GALNT15: variants seen among roughly 807,000 people sequenced by gnomAD.
GALNT15 encodes the protein polypeptide N-acetylgalactosaminyltransferase 15.
A neutral mutation model predicts 66.8 loss-of-function variants in GALNT15; 67 were observed. The observed-to-expected ratio is 1.00, with a 90% CI of 0.82 to 1.23. The LOEUF (loss-of-function observed/expected upper bound fraction) is 1.23. GALNT15 is among the 50% of genes most tolerant of loss of function. GALNT15 has a pLI of 0.00. For missense variants in GALNT15, 827 were observed against 804.3 expected (o/e 1.03, Z -0.34); for synonymous variants, 313 against 311.5 (o/e 1.00, Z -0.05).
At chr3:16,233,562 G>A (rs1008764718), downstream of GALNT15, among the ~76,000 whole-genome samples, 12 of 151,812 alleles carry the variant, frequency 7.9e-5, no homozygotes, top group African/African-American at 2.4e-4. Flanking sequence ...TGGTCATGTC[G>A]TCCCTCCCTC....
chr3:16,245,444 G>T, the GALNT15 span, among the ~76,000 whole-genome samples: 3 of 152,366 alleles, frequency 2.0e-5, no homozygotes, highest in Middle Eastern at 3.4e-3. Flanking sequence ...CGGAAACAGG[G>T]CCCAGCCATC....
At chr3:16,201,417 G>A (rs1258253131) in intron 3 of GALNT15, among the ~76,000 whole-genome samples, 2 of 152,186 alleles carry the variant, frequency 1.3e-5, no homozygotes, top group African/African-American at 2.4e-5. Context: ...TCCTGACTTC[G>A]TGATCCGCCC....
chr3:16,190,637 C>CAAA (rs34205852), intron 1 of GALNT15, among the ~76,000 whole-genome samples: 10 of 98,624 alleles, frequency 1.0e-4, no homozygotes, highest in East Asian at 3.2e-4. Context: ...GACTCCGTAT[C>CAAA]AAAAAAAAAA....
intron 2 of GALNT15, among the ~76,000 whole-genome samples, chr3:16,196,338 T>A (rs990573334): frequency 8.5e-5 from 13 of 152,154 alleles, no homozygotes; most frequent in African/African-American, 3.1e-4. Flanking sequence ...TACGCACATA[T>A]GTGTATCGGT....
Position 16,203,512 on chromosome 3 carries a change from G to C in GALNT15, c.911+2689G>C. Among the ~76,000 whole-genome samples, 1 of 126,516 alleles carries C rather than the reference G, an allele frequency of 7.9e-6. No homozygotes were observed. The allele number at this position is 126,516 out of a possible 152,430, so 83.0% of individuals were successfully genotyped here. On this transcript the variant is annotated intron_variant, in intron 3 of 9. Coordinates refer to ENST00000339732, the MANE Select transcript of GALNT15 (RefSeq NM_054110.5). The surrounding 1 kb of genome is among the most constrained non-coding windows in gnomAD (Gnocchi z 6.2). ...GGTCTTTGTCTCTCTCTGTCTCTTG[G>C]TCACTCATTCTCTCTCTCTCTCTCT...
rs753811805 is a variant in GALNT15 at position 16,212,731 on chromosome 3, A to G, written c.1360A>G (p.Lys454Glu). 2 of 1,613,706 alleles carry G rather than the reference A, an allele frequency of 1.2e-6. No individual in the cohort carries two copies. Among genetic ancestry groups the G allele is most frequent in the Admixed American group, 3.3e-5 (2 of 60,028 alleles). The change falls in exon 6 of 10, where the codon AAG becomes GAG. Residue 454 changes from lysine (K) to glutamate (E), a missense_variant. Physicochemically the swap from Lys to Glu is moderately conservative, Grantham distance 56. Coordinates refer to ENST00000339732, the MANE Select transcript of GALNT15 (RefSeq NM_054110.5). ...GGGGTCATTCAAAGAAACCTTCTAC[A>G]AGCATAGCCCAGAGGCCTTCTCCTT... Reference protein sequence around the residue: ...WLGSFKETFYKHSPEAFSLSK... With the variant: ...WLGSFKETFYEHSPEAFSLSK...
chr3:16,225,605 G>T lies in GALNT15; in HGVS notation c.1774-1749G>T, dbSNP rs1238444080. ...AGCTACTCAGGAGGTTGAGGCAGGA[G>T]AATCGCTTGAACCCAGGAGGCAGAG... On this transcript the variant is annotated intron_variant, in intron 9 of 9. Transcript: ENST00000339732. The surrounding 1 kb of genome is among the most constrained non-coding windows in gnomAD (Gnocchi z 4.4). Among the ~76,000 whole-genome samples the T allele has an allele frequency of 6.6e-6, 1 of 152,172 alleles. No individual in the cohort carries two copies. Among genetic ancestry groups the T allele is most frequent in the Non-Finnish European group, 1.5e-5 (1 of 68,034 alleles).
At position 16,208,520 on chromosome 3, in the gene GALNT15, C is replaced by T. The variant is rs377237497; in HGVS notation, c.929C>T (p.Pro310Leu). The T allele has an allele frequency of 5.7e-5, 92 of 1,613,842 alleles. No homozygotes were observed. Among genetic ancestry groups the T allele is most frequent in the Non-Finnish European group, 6.9e-5 (81 of 1,179,944 alleles). Residue 310 changes from proline to leucine, a missense_variant, in exon 4 of 10, where the codon CCG becomes CTG. Pro to Leu is a moderately conservative substitution (Grantham distance 98). Coordinates refer to ENST00000339732, the MANE Select transcript of GALNT15 (RefSeq NM_054110.5). ...CTTTCCAGGAGCCGAGTGGTATCTC[C>T]GGTGATAGATGTGATTGACTGGAAG... ...IAGDRSRVVS[P>L]VIDVIDWKTF...
At chr3:16,226,743 G>A (rs2064024291) in intron 9 of GALNT15, among the ~76,000 whole-genome samples, 2 of 152,224 alleles carry the variant, frequency 1.3e-5, no homozygotes, top group South Asian at 4.1e-4. Context: ...ATTAATAAAT[G>A]AATGATGAAT....
At position 16,227,036 on chromosome 3, in the gene GALNT15, A is replaced by C. The variant is rs903479969; in HGVS notation, c.1774-318A>C. Among the ~76,000 whole-genome samples the C allele has an allele frequency of 6.6e-6, 1 of 152,246 alleles. No homozygotes were observed. The highest frequency in any genetic ancestry group is 2.4e-5 in the African/African-American group (1 of 41,454). On this transcript the variant is annotated intron_variant, in intron 9 of 9. Transcript: ENST00000339732. This position sits in a 1 kb window ranked among gnomAD's most constrained non-coding sequence, Gnocchi z 4.5. The stretch of plus-strand genomic sequence containing the variant: ...AGAAATTTACAACTACAGTGATAAC[A>C]ATGAATGTCACAAATACAGCATAAA...
At chr3:16,226,124 CA>C (rs967881862) in intron 9 of GALNT15, among the ~76,000 whole-genome samples, 7 of 151,058 alleles carry the variant, frequency 4.6e-5, no homozygotes, top group African/African-American at 1.7e-4. Flanking sequence ...TCCATTTATA[CA>C]AAATGTCCAG....
rs1401925245 is a variant in GALNT15 at position 16,193,613 on chromosome 3, TGA to T, written c.540-2143_540-2142del. 6.6e-6 allele frequency among the ~76,000 whole-genome samples: 1 copy of T among 152,154 alleles called. No homozygotes were observed. Among genetic ancestry groups the T allele is most frequent in the Admixed American group, 6.5e-5 (1 of 15,270 alleles). ...AGTCACACACAGGTTTCCTGTGCATTGAGAGTTTTCTGCCTTTCTTAGGACTG... is the reference window on the plus strand; with the variant it reads ...AGTCACACACAGGTTTCCTGTGCATTGAGTTTTCTGCCTTTCTTAGGACTG... On this transcript the variant is annotated intron_variant, in intron 1 of 9. Coordinates refer to ENST00000339732, the MANE Select transcript of GALNT15 (RefSeq NM_054110.5). This position sits in a 1 kb window ranked among gnomAD's most constrained non-coding sequence, Gnocchi z 4.7.
At chr3:16,241,049 T>C in the GALNT15 span, among the ~76,000 whole-genome samples, 14 of 152,222 alleles carry the variant, frequency 9.2e-5, no homozygotes, top group Admixed American at 6.5e-4. This position sits in a 1 kb window ranked among gnomAD's most constrained non-coding sequence, Gnocchi z 4.6. Context: ...ATGACTCATA[T>C]ACATCATGTC....
chr3:16,203,819 C>T lies in GALNT15; in HGVS notation c.911+2996C>T, dbSNP rs1392722181. 6.6e-5 allele frequency among the ~76,000 whole-genome samples: 10 copies of T among 152,232 alleles called. No homozygotes were observed. The South Asian group carries it at 1.2e-3, about 19-fold the overall frequency. Reference sequence around the variant, plus strand: ...CCACTCTCTCCACTCCACCTGGCAACGCTCTATGAGCTGTGGCAGGGAGAG... The same window carrying T: ...CCACTCTCTCCACTCCACCTGGCAATGCTCTATGAGCTGTGGCAGGGAGAG... On this transcript the variant is annotated intron_variant, in intron 3 of 9. Coordinates refer to ENST00000339732, the MANE Select transcript of GALNT15 (RefSeq NM_054110.5). This position sits in a 1 kb window ranked among gnomAD's most constrained non-coding sequence, Gnocchi z 6.2.
the GALNT15 span, among the ~76,000 whole-genome samples, chr3:16,239,623 C>G: frequency 6.6e-6 from 1 of 152,214 alleles, no homozygotes; most frequent in Non-Finnish European, 1.5e-5. This position sits in a 1 kb window ranked among gnomAD's most constrained non-coding sequence, Gnocchi z 5.2. Context: ...GTCAAACACT[C>G]TGGGAAGCAA....
intron 3 of GALNT15, among the ~76,000 whole-genome samples, chr3:16,208,249 C>A (rs544128114): frequency 2.6e-5 from 4 of 152,176 alleles, no homozygotes; most frequent in Admixed American, 2.6e-4. Context: ...TCAGTAAACC[C>A]AATATATCCA....
At chr3:16,221,783 T>C (rs1253231100) in intron 8 of GALNT15, among the ~76,000 whole-genome samples, 1 of 152,204 alleles carries the variant, frequency 6.6e-6, no homozygotes, top group Non-Finnish European at 1.5e-5. Context: ...GCATCTAATA[T>C]GGGCTTAGGT....
rs569500591 is a variant in GALNT15 at position 16,203,160 on chromosome 3, G to A, written c.911+2337G>A. Among the ~76,000 whole-genome samples, 16 of 152,278 alleles carry A rather than the reference G, an allele frequency of 1.1e-4. No individual in the cohort carries two copies. Among genetic ancestry groups the A allele is most frequent in the African/African-American group, 3.6e-4 (15 of 41,548 alleles). The stretch of plus-strand genomic sequence containing the variant: ...GTCAGATTTTCTGACTCTGGGTCCA[G>A]TGCTGTTTTTATTGTGTACATTTTC... On this transcript the variant is annotated intron_variant, in intron 3 of 9. Transcript: ENST00000339732. This position sits in a 1 kb window ranked among gnomAD's most constrained non-coding sequence, Gnocchi z 6.2.
rs927904436 is a variant in GALNT15 at position 16,225,559 on chromosome 3, G to A, written c.1774-1795G>A. 6.6e-6 allele frequency among the ~76,000 whole-genome samples: 1 copy of A among 151,802 alleles called. No homozygotes were observed. Among genetic ancestry groups the A allele is most frequent in the Non-Finnish European group, 1.5e-5 (1 of 67,988 alleles). On this transcript the variant is annotated intron_variant, in intron 9 of 9. Transcript: ENST00000339732. This position sits in a 1 kb window ranked among gnomAD's most constrained non-coding sequence, Gnocchi z 4.4. ...AAAACACAAAAACTAGCCAGGTGTG[G>A]TGGTGCACACCTCTAGTCTCAGCTA... is the stretch of plus-strand genomic sequence containing the variant.
Sources: gnomAD v4.1 joint callset for allele counts (sites outside exome capture counted in the v4.1 genomes callset) on GRCh38, gnomAD v4.1.1 for gene constraint, Gnocchi (gnomAD v3.1) non-coding constraint, MANE v1.5 for transcripts, NCBI Gene and HGNC (gene_info 2026-07-23, HGNC 2026-07-21) for gene names.